Variants in CD86 observed in about 807,000 individuals in gnomAD.
CD86 encodes CD86 molecule, also known as T-lymphocyte activation antigen CD86.
In CD86, 11 loss-of-function variants were observed where a neutral mutation model predicts 32.1. That is an observed-to-expected ratio of 0.34 (90% CI 0.22 to 0.57). The LOEUF (loss-of-function observed/expected upper bound fraction) is 0.57. Among genes scored for constraint, CD86 ranks in the 20% least tolerant of loss-of-function variants. The pLI, the probability that CD86 is intolerant of heterozygous loss-of-function variation, is 0.86. For missense variants in CD86, 359 were observed against 398.4 expected, an observed-to-expected ratio of 0.90 and a Z score of 0.84; for synonymous variants, 137 against 135.3, an observed-to-expected ratio of 1.01 and a Z score of -0.09.
At chr3:122,087,977 T>G (rs958056252) in intron 1 of CD86, among the ~76,000 whole-genome samples, 1 of 152,170 alleles carries the variant, frequency 6.6e-6, no homozygotes, top group Non-Finnish European at 1.5e-5. Flanking sequence ...CCAAGATTCC[T>G]TAGAGCAATA....
chr3:122,065,951 T>C (rs1042080938), intron 1 of CD86, among the ~76,000 whole-genome samples: 7 of 152,146 alleles, frequency 4.6e-5, no homozygotes, highest in Admixed American at 1.3e-4. Flanking sequence ...AGTTAATGTG[T>C]CCATTCTATG....
intron 1 of CD86, among the ~76,000 whole-genome samples, chr3:122,088,242 T>TCATTTTA (rs1422744169): frequency 6.6e-6 from 1 of 151,076 alleles, no homozygotes. Flanking sequence ...GTTCTCACTG[T>TCATTTTA]CATTTTATAT....
intron 2 of CD86, among the ~76,000 whole-genome samples, chr3:122,094,582 A>T (rs2072877286): frequency 6.6e-6 from 1 of 152,222 alleles, no homozygotes; most frequent in Non-Finnish European, 1.5e-5. Flanking sequence ...GGGCTGGTGA[A>T]CAGTGACCTA....
At chr3:122,117,976 C>G (rs970243990) in intron 5 of CD86, 72 bp from the exon 6 acceptor site, 1 of 1,292,210 alleles carries the variant, frequency 7.7e-7, no homozygotes, top group South Asian at 1.2e-5. Context: ...AACTTTGAAG[C>G]CTTTTCAAAC....
At chr3:122,067,784 A>G (rs1364226253) in intron 1 of CD86, among the ~76,000 whole-genome samples, 1 of 152,200 alleles carries the variant, frequency 6.6e-6, no homozygotes, top group Non-Finnish European at 1.5e-5. Flanking sequence ...CCTTACTCAC[A>G]TTGCTGAAGA....
chr3:122,107,006 C>A (rs2073103352), intron 4 of CD86, among the ~76,000 whole-genome samples: 1 of 152,016 alleles, frequency 6.6e-6, no homozygotes, highest in African/African-American at 2.4e-5. Flanking sequence ...AGAATCAGAA[C>A]CCTGTAATGT....
At chr3:122,057,777 T>A (rs931650365) in intron 1 of CD86, among the ~76,000 whole-genome samples, 2 of 152,212 alleles carry the variant, frequency 1.3e-5, no homozygotes, top group Admixed American at 6.5e-5. Flanking sequence ...CCATAACTCA[T>A]TAGATCTTGA....
chr3:122,072,698 G>T (rs2072505433), intron 1 of CD86, among the ~76,000 whole-genome samples: 1 of 152,104 alleles, frequency 6.6e-6, no homozygotes, highest in Non-Finnish European at 1.5e-5. Flanking sequence ...CACTCTGATG[G>T]TATTTTCTTT....
intron 1 of CD86, among the ~76,000 whole-genome samples, chr3:122,057,351 G>A (rs979988346): frequency 1.2e-4 from 18 of 152,160 alleles, no homozygotes; most frequent in Middle Eastern, 3.4e-3. Context: ...AACAATTTAC[G>A]TGTTTAAAAA....
chr3:122,098,471 T>C (rs967833594), intron 2 of CD86, among the ~76,000 whole-genome samples: 4 of 152,116 alleles, frequency 2.6e-5, no homozygotes, highest in East Asian at 1.9e-4. Flanking sequence ...GCCTGATAGG[T>C]ACTGGGGACC....
intron 1 of CD86, among the ~76,000 whole-genome samples, chr3:122,062,390 C>T (rs2072351937): frequency 2.6e-5 from 4 of 152,242 alleles, no homozygotes; most frequent in South Asian, 4.1e-4. Flanking sequence ...GTCCTTAGTA[C>T]ATTTTTTTTC....
chr3:122,091,531 T>C (rs1295784285), intron 1 of CD86, 70 bp from the exon 2 acceptor site: 12 of 1,227,536 alleles, frequency 9.8e-6, no homozygotes, highest in Non-Finnish European at 1.2e-5. Flanking sequence ...GTCCAGGTCA[T>C]GTTTTGGTGA....
intron 2 of CD86, among the ~76,000 whole-genome samples, chr3:122,103,038 G>A (rs189500127): frequency 7.4e-4 from 113 of 152,196 alleles, no homozygotes; most frequent in Admixed American, 1.3e-3. Flanking sequence ...GCAGACCAAG[G>A]AATATGTGGA....
intron 1 of CD86, among the ~76,000 whole-genome samples, chr3:122,089,496 CT>C (rs1485699417): frequency 6.8e-6 from 1 of 146,302 alleles, no homozygotes; most frequent in African/African-American, 2.6e-5. Flanking sequence ...ATAAAGATTT[CT>C]AAATAACAAA....
intron 1 of CD86, among the ~76,000 whole-genome samples, chr3:122,059,358 A>G (rs1455538481): frequency 6.6e-6 from 1 of 152,106 alleles, no homozygotes; most frequent in Non-Finnish European, 1.5e-5. Flanking sequence ...AGGAGGGGCT[A>G]GAGAGACTGG....
chr3:122,077,986 C>A lies in CD86; in HGVS notation c.15-13615C>A, dbSNP rs3749202. ...CTTGCTTCTGTGTTCCTTGGGAATGCTGCTGTGCTTATGCATCTGGTCTCT... is the reference window on the plus strand; with the variant it reads ...CTTGCTTCTGTGTTCCTTGGGAATGATGCTGTGCTTATGCATCTGGTCTCT... On this transcript the variant is annotated intron_variant, in intron 1 of 6. Transcript: ENST00000330540. 1.4e-5 allele frequency: 14 copies of A among 985,568 alleles called. No homozygotes were observed. In the East Asian group the frequency reaches 1.6e-3, roughly 112 times the overall value. 61.1% of individuals were successfully genotyped at this position (985,568 alleles called of 1,614,324 possible).
chr3:122,073,150 A>T (rs1442236863), intron 1 of CD86, among the ~76,000 whole-genome samples: 4 of 146,696 alleles, frequency 2.7e-5, no homozygotes, highest in Non-Finnish European at 6.1e-5. Context: ...AGCAACAGGA[A>T]GCCTCATTGC....
chr3:122,113,771 C>T (rs2073209699), intron 5 of CD86, among the ~76,000 whole-genome samples: 2 of 152,112 alleles, frequency 1.3e-5, no homozygotes, highest in Admixed American at 1.3e-4. Flanking sequence ...TAAGAAATAG[C>T]TCAAGTAACT....
chr3:122,108,125 C>A (rs2073119519), intron 4 of CD86, among the ~76,000 whole-genome samples: 1 of 152,228 alleles, frequency 6.6e-6, no homozygotes, highest in South Asian at 2.1e-4. Flanking sequence ...TCATGGCTCA[C>A]CTTCCTGCTG....
Sources: allele counts gnomAD v4.1 joint callset (sites outside exome capture counted in the v4.1 genomes callset), GRCh38; gene constraint gnomAD v4.1.1; transcripts MANE v1.5; gene names NCBI Gene and HGNC (gene_info 2026-07-23, HGNC 2026-07-21).